Variants in FHIT observed in about 807,000 individuals in gnomAD.
The protein encoded by FHIT is fragile histidine triad diadenosine triphosphatase.
A neutral mutation model predicts 17.9 loss-of-function variants in FHIT; 19 were observed. That is an observed-to-expected ratio of 1.06 (90% confidence interval 0.74 to 1.56). The LOEUF (loss-of-function observed/expected upper bound fraction) is 1.56. Ranked by LOEUF, FHIT falls within the 40% of genes most tolerant of loss-of-function variation. The probability of loss-of-function intolerance (pLI) is 0.00; values close to 1 mark genes in which losing one functional copy is unlikely to be tolerated. For synonymous variants in FHIT, 81 were observed against 69.7 expected (o/e 1.16, Z -0.81); for missense variants, 248 against 189.2 (o/e 1.31, Z -1.82).
chr3:61,030,975 T>C (rs1192440479), intron 3 of FHIT, among the ~76,000 whole-genome samples: 1 of 152,152 alleles, frequency 6.6e-6, no homozygotes, highest in Non-Finnish European at 1.5e-5. Flanking sequence ...ATCCTGGGTA[T>C]GGAAAGGGCT....
At chr3:60,996,279 T>G (rs1412420389) in intron 3 of FHIT, among the ~76,000 whole-genome samples, 1 of 152,218 alleles carries the variant, frequency 6.6e-6, no homozygotes, top group Non-Finnish European at 1.5e-5. Context: ...AAAGCCCGGA[T>G]GCAAAATGCG....
chr3:60,139,576 C>A (rs751514719), intron 5 of FHIT, among the ~76,000 whole-genome samples: 4 of 152,114 alleles, frequency 2.6e-5, no homozygotes, highest in Non-Finnish European at 5.9e-5. Context: ...ATTGATCACA[C>A]AGAATTGTAA....
chr3:60,904,870 C>CGGA (rs1337729449), intron 3 of FHIT, among the ~76,000 whole-genome samples: 1 of 147,698 alleles, frequency 6.8e-6, no homozygotes, highest in Non-Finnish European at 1.5e-5. Context: ...ACCCGGGAGG[C>CGGA]GGAGGTTGCA....
At chr3:61,069,559 T>C (rs1354732257) in intron 2 of FHIT, among the ~76,000 whole-genome samples, 1 of 152,206 alleles carries the variant, frequency 6.6e-6, no homozygotes, top group Non-Finnish European at 1.5e-5. Context: ...TAGGTATTGT[T>C]CTCTGTATTT....
At chr3:59,977,960 T>C (rs1235694057) in intron 7 of FHIT, among the ~76,000 whole-genome samples, 1 of 152,188 alleles carries the variant, frequency 6.6e-6, no homozygotes, top group Non-Finnish European at 1.5e-5. Flanking sequence ...AGTCATGAAG[T>C]TGTTTGTGAA....
At chr3:60,172,227 T>C (rs1216308172) in intron 5 of FHIT, among the ~76,000 whole-genome samples, 1 of 152,084 alleles carries the variant, frequency 6.6e-6, no homozygotes, top group Non-Finnish European at 1.5e-5. Context: ...AGCCAGGTAG[T>C]AAATAGGCCT....
intron 4 of FHIT, among the ~76,000 whole-genome samples, chr3:60,678,915 C>T (rs1553696102): frequency 2.0e-5 from 3 of 151,178 alleles, no homozygotes; most frequent in African/African-American, 4.9e-5. Context: ...ATCTCGTTTT[C>T]CATCTTAAGG....
intron 5 of FHIT, among the ~76,000 whole-genome samples, chr3:60,132,957 C>T (rs1019815518): frequency 6.6e-6 from 1 of 151,870 alleles, no homozygotes; most frequent in African/African-American, 2.4e-5. Flanking sequence ...AAATGACATA[C>T]TGAAATAGCA....
rs571979016 is a variant in FHIT, at chr3:60,199,588, G to C, written c.104-185436C>G. 2.0e-5 allele frequency among the ~76,000 whole-genome samples: 3 copies of C among 152,260 alleles called. No homozygotes were observed. The South Asian group carries it at 6.2e-4, about 32-fold the overall frequency. On this transcript the variant is annotated intron_variant, in intron 5 of 9. Transcript: ENST00000492590. ...AATAGCGAGAGAATTAATGTCAGGA[G>C]AATAAGACAGAAAAGGCCTACAATT...
rs1350835808 is a variant in FHIT at position 59,748,153 on chromosome 3, T to G, written c.*1432A>C. On this transcript the variant is annotated 3_prime_UTR_variant, in exon 10 of 10. Transcript: ENST00000492590. ...AGCATTGTTTTTCTCTTATGTTTAT[T>G]TTTATGCTTAACTTCTAATTACAGG... is the stretch of plus-strand genomic sequence containing the variant. 6.6e-6 allele frequency among the ~76,000 whole-genome samples: 1 copy of G among 152,156 alleles called. No individual in the cohort carries two copies.
chr3:60,039,773 A>C (rs987710980), intron 5 of FHIT, among the ~76,000 whole-genome samples: 3 of 152,218 alleles, frequency 2.0e-5, no homozygotes, highest in African/African-American at 7.2e-5. Flanking sequence ...GTCCAATGGA[A>C]GATCTTAGAA....
chr3:59,928,994 CAAAAAAAAAA>C (rs56107626), intron 7 of FHIT, among the ~76,000 whole-genome samples: 13 of 33,122 alleles, frequency 3.9e-4, no homozygotes, highest in African/African-American at 6.3e-4. Context: ...GACTTCATCT[CAAAAAAAAAA>C]AAAAAAAAAA....
chr3:59,956,218 G>A (rs1198567320), intron 7 of FHIT, among the ~76,000 whole-genome samples: 2 of 152,150 alleles, frequency 1.3e-5, no homozygotes, highest in Non-Finnish European at 2.9e-5. Context: ...CAGCTCTGGA[G>A]TCAAACTGAC....
intron 3 of FHIT, among the ~76,000 whole-genome samples, chr3:60,883,676 A>T (rs1157265561): frequency 6.6e-6 from 1 of 151,970 alleles, no homozygotes; most frequent in Non-Finnish European, 1.5e-5. Flanking sequence ...AAAAAATGAA[A>T]CTAGACCTCT....
At chr3:60,556,995 C>A (rs960515937) in intron 4 of FHIT, among the ~76,000 whole-genome samples, 4 of 152,160 alleles carry the variant, frequency 2.6e-5, no homozygotes, top group Admixed American at 6.5e-5. Flanking sequence ...GAAGGAGAGA[C>A]CATTCCGTTA....
chr3:60,283,356 T>C (rs934101729), intron 5 of FHIT, among the ~76,000 whole-genome samples: 1 of 152,086 alleles, frequency 6.6e-6, no homozygotes, highest in Non-Finnish European at 1.5e-5. Context: ...TCATATAATA[T>C]ATATTAATAC....
intron 4 of FHIT, among the ~76,000 whole-genome samples, chr3:60,558,811 G>A (rs2036833191): frequency 6.6e-6 from 1 of 152,156 alleles, no homozygotes; most frequent in Non-Finnish European, 1.5e-5. Flanking sequence ...AATCAGAGTT[G>A]CTGCATAACA....
chr3:60,257,518 T>C (rs558708306), intron 5 of FHIT, among the ~76,000 whole-genome samples: 1 of 152,298 alleles, frequency 6.6e-6, no homozygotes, highest in South Asian at 2.1e-4. Context: ...CATAGAGTGT[T>C]CAACATAATA....
rs543304841 is a variant in FHIT, at chr3:61,119,663, T to C, written c.-163-77564A>G. ...TGAACCTCAGTAGATTGAGTAAAGA[T>C]AACTGTCCTCACAAATGCATGTGGC... On this transcript the variant is annotated intron_variant, in intron 2 of 9. Transcript: ENST00000492590. Among the ~76,000 whole-genome samples, 8 of 152,300 alleles carry C rather than the reference T, an allele frequency of 5.3e-5. No homozygotes were observed. The South Asian group carries it at 1.4e-3, about 28-fold the overall frequency.
Sources: allele counts gnomAD v4.1 joint callset (sites outside exome capture counted in the v4.1 genomes callset), GRCh38; gene constraint gnomAD v4.1.1; transcripts MANE v1.5; gene names NCBI Gene and HGNC (gene_info 2026-07-23, HGNC 2026-07-21).